The following GTF2I variants were observed in gnomAD, a reference collection of about 807,000 sequenced individuals.
GTF2I encodes general transcription factor II-I.
In GTF2I, 12 loss-of-function variants were observed where a neutral mutation model predicts 67.6. The observed-to-expected ratio is 0.18, with a 90% CI of 0.11 to 0.29. GTF2I has a LOEUF of 0.29. Among genes scored for constraint, GTF2I ranks in the 10% least tolerant of loss-of-function variants. The probability of loss-of-function intolerance (pLI) is 1.00; values close to 1 mark genes in which losing one functional copy is unlikely to be tolerated. For missense variants in GTF2I, 271 were observed against 580.1 expected (o/e 0.47, Z 5.47); for synonymous variants, 149 against 197.0 (o/e 0.76, Z 2.04).
chr7:74,679,924 T>C (rs1490469275), intron 1 of GTF2I, among the ~76,000 whole-genome samples: 1 of 151,250 alleles, frequency 6.6e-6, no homozygotes, highest in African/African-American at 2.4e-5. Context: ...TTACTAAAAA[T>C]AGAAAAATTA....
chr7:74,723,618 CAG>C (rs1352160664), intron 12 of GTF2I, among the ~76,000 whole-genome samples: 103 of 150,842 alleles, frequency 6.8e-4, no homozygotes, highest in African/African-American at 2.4e-3. Context: ...TTAGTACAGA[CAG>C]GGGTTTCACC....
rs370921221 is a variant in GTF2I at position 74,673,363 on chromosome 7, ATTTG to A, written c.-6+15311_-6+15314del. ...CTCTTAACTGCTATGTGGTTTTTGG[ATTTG>A]TTTGTTTGTTTGTTTTTGTTTTGTC... On this transcript the variant is annotated intron_variant, in intron 1 of 34. Coordinates refer to ENST00000573035, the MANE Select transcript of GTF2I (RefSeq NM_032999.4). Among the ~76,000 whole-genome samples, 66 of 151,716 alleles carry A rather than the reference ATTTG, an allele frequency of 4.4e-4. No individual in the cohort carries two copies. In the East Asian group the frequency reaches 6.8e-3, roughly 16 times the overall value.
chr7:74,694,379 G>T (rs1554397878), intron 3 of GTF2I, among the ~76,000 whole-genome samples: 1 of 152,208 alleles, frequency 6.6e-6, no homozygotes, highest in East Asian at 1.9e-4. Flanking sequence ...CTGAGCTCAG[G>T]AGTTCAAGAC....
At chr7:74,743,547 T>G (rs1554408543) in intron 20 of GTF2I, 27 bp downstream of exon 20, 1 of 498,858 alleles carries the variant, frequency 2.0e-6, no homozygotes, top group South Asian at 1.8e-5. Flanking sequence ...ATTTATGTCT[T>G]TAATAACATA....
Position 74,714,884 on chromosome 7 carries a change from A to G in GTF2I, c.791A>G (p.Asp264Gly). 6.2e-7 allele frequency: 1 copy of G among 1,607,944 alleles called. No homozygotes were observed. Among genetic ancestry groups the G allele is most frequent in the Non-Finnish European group, 8.5e-7 (1 of 1,176,264 alleles). ...GGCCCTTCTGAAACTGATGATGTTG[A>G]TGAAAAACAGCCCCTATCGAAGCCT... is the stretch of plus-strand genomic sequence containing the variant. ...QAGPSETDDV[D>G]EKQPLSKPLQ... The change falls in exon 10 of 35, where the codon GAT becomes GGT. Residue 264 changes from aspartate to glycine, a missense_variant. Transcript: ENST00000573035.
chr7:74,703,107 T>G (rs1266701775), intron 6 of GTF2I, among the ~76,000 whole-genome samples: 1 of 152,042 alleles, frequency 6.6e-6, no homozygotes, highest in Non-Finnish European at 1.5e-5. Flanking sequence ...AAAAATTGGG[T>G]TTGTTTGTCT....
intron 11 of GTF2I, 50 bp downstream of exon 11, chr7:74,717,000 T>C: frequency 6.5e-7 from 1 of 1,549,306 alleles, no homozygotes; most frequent in Non-Finnish European, 8.9e-7. Context: ...TGTATGTTTA[T>C]TCTATTTTAT....
chr7:74,669,224 GTTTTTTT>G (rs34714148), intron 1 of GTF2I, among the ~76,000 whole-genome samples: 1 of 75,452 alleles, frequency 1.3e-5, no homozygotes. Context: ...GACTAGTTTA[GTTTTTTT>G]TTTTTTTTTT....
intron 7 of GTF2I, among the ~76,000 whole-genome samples, chr7:74,705,912 C>T (rs1412966438): frequency 1.3e-5 from 2 of 151,024 alleles, no homozygotes; most frequent in African/African-American, 2.4e-5. Context: ...TACTTTTTTC[C>T]CCAAAAGATA....
At chr7:74,701,387 TATTCTC>T (rs1554399844) in intron 6 of GTF2I, among the ~76,000 whole-genome samples, 1 of 152,228 alleles carries the variant, frequency 6.6e-6, no homozygotes, top group African/African-American at 2.4e-5. Flanking sequence ...ACCTTTGTCT[TATTCTC>T]ATTGTGGTGA....
intron 1 of GTF2I, among the ~76,000 whole-genome samples, chr7:74,664,895 C>T (rs587600258): frequency 1.3e-5 from 2 of 152,154 alleles, no homozygotes; most frequent in African/African-American, 4.8e-5. Context: ...CGTTTCCTGC[C>T]TGTGCGACCT....
At chr7:74,690,789 A>C (rs1253643983) in intron 2 of GTF2I, among the ~76,000 whole-genome samples, 184 bp from the exon 3 acceptor site, 2 of 152,246 alleles carry the variant, frequency 1.3e-5, no homozygotes, top group Non-Finnish European at 2.9e-5. Flanking sequence ...ATAAGAGATT[A>C]CAAGGGAATT....
chr7:74,733,538 C>T, intron 15 of GTF2I: 1 of 158,346 alleles, frequency 6.3e-6, no homozygotes, highest in East Asian at 1.8e-4. Context: ...GCCAAGGCGG[C>T]TGGATCACCC....
chr7:74,723,291 A>G lies in GTF2I; in HGVS notation c.943+4350A>G, dbSNP rs587681634. ...TAGGCGCCCGCCACCATGCCTGGCT[A>G]ATTTTTTTTGTATTTTTAGTAGAGA... On this transcript the variant is annotated intron_variant, in intron 12 of 34. Transcript: ENST00000573035. 5.6e-4 allele frequency among the ~76,000 whole-genome samples: 84 copies of G among 151,270 alleles called. 1 individual carries two copies. Among genetic ancestry groups the G allele is most frequent in the African/African-American group, 1.9e-3 (78 of 41,230 alleles).
chr7:74,663,296 A>AT (rs1171086725), intron 1 of GTF2I, among the ~76,000 whole-genome samples: 1 of 151,980 alleles, frequency 6.6e-6, no homozygotes, highest in African/African-American at 2.4e-5. Flanking sequence ...GTATTTATTT[A>AT]TTTTTTTGAG....
chr7:74,668,173 CT>C (rs781864782), intron 1 of GTF2I, among the ~76,000 whole-genome samples: 5,408 of 92,848 alleles, frequency 0.058, 97 homozygotes, highest in Middle Eastern at 0.08. Flanking sequence ...TGGTGCAGAA[CT>C]TTTTTTTTTT....
chr7:74,658,287 CTT>C (rs1554384629), intron 1 of GTF2I, among the ~76,000 whole-genome samples: 1 of 150,188 alleles, frequency 6.7e-6, no homozygotes, highest in Non-Finnish European at 1.5e-5. Context: ...CCCCGCCGGC[CTT>C]GGCAGTGGCC....
At chr7:74,680,400 GGTTT>G (rs1787174778) in intron 1 of GTF2I, among the ~76,000 whole-genome samples, 1 of 151,700 alleles carries the variant, frequency 6.6e-6, no homozygotes, top group African/African-American at 2.4e-5. Flanking sequence ...GTAATGATAA[GGTTT>G]GTAAAAATCT....
At chr7:74,716,993 A>G (rs1554403762) in intron 11 of GTF2I, 43 bp downstream of exon 11, 3 of 1,556,614 alleles carry the variant, frequency 1.9e-6, no homozygotes, top group Admixed American at 1.7e-5. Context: ...TATTTGTTGT[A>G]TGTTTATTCT....
Sources: gnomAD v4.1 joint callset for allele counts (sites outside exome capture counted in the v4.1 genomes callset) on GRCh38, gnomAD v4.1.1 for gene constraint, MANE v1.5 for transcripts, NCBI Gene and HGNC (gene_info 2026-07-23, HGNC 2026-07-21) for gene names.